SYN2: variants seen among roughly 807,000 people sequenced by gnomAD.
SYN2 encodes the protein synapsin-2.
Under a neutral mutation model 50.9 loss-of-function variants are expected in SYN2, and 19 were observed. That is an observed-to-expected ratio of 0.37 (90% CI 0.26 to 0.55). The LOEUF (loss-of-function observed/expected upper bound fraction) is 0.55. Among genes scored for constraint, SYN2 ranks in the 20% least tolerant of loss-of-function variants. The probability of loss-of-function intolerance (pLI) is 0.81; values close to 1 mark genes in which losing one functional copy is unlikely to be tolerated. For missense variants in SYN2, 587 were observed against 576.4 expected, an observed-to-expected ratio of 1.02 and a Z score of -0.19; for synonymous variants, 255 against 224.9, an observed-to-expected ratio of 1.13 and a Z score of -1.20.
At chr3:12,087,408 T>C (rs1389719931) in intron 1 of SYN2, among the ~76,000 whole-genome samples, 1 of 151,920 alleles carries the variant, frequency 6.6e-6, no homozygotes, top group Admixed American at 6.6e-5. Flanking sequence ...TCTAAAGCAA[T>C]CCTGAGCAAG....
At chr3:12,047,016 G>T (rs1694755478) in intron 1 of SYN2, among the ~76,000 whole-genome samples, 1 of 152,120 alleles carries the variant, frequency 6.6e-6, no homozygotes, top group African/African-American at 2.4e-5. Flanking sequence ...AAAACATATT[G>T]TACTCCATGA....
intron 10 of SYN2, among the ~76,000 whole-genome samples, chr3:12,178,125 C>G (rs1263100735): frequency 6.6e-6 from 1 of 152,220 alleles, no homozygotes; most frequent in African/African-American, 2.4e-5. Context: ...CTCATTCTCC[C>G]TGGGGTCCTA....
At chr3:12,065,688 T>G (rs1695201544) in intron 1 of SYN2, among the ~76,000 whole-genome samples, 2 of 152,166 alleles carry the variant, frequency 1.3e-5, no homozygotes, top group Admixed American at 1.3e-4. Flanking sequence ...CAGTAGACAC[T>G]GGGGACTACT....
chr3:12,183,273 T>TG (rs1249908314), intron 10 of SYN2, 39 bp from the exon 11 acceptor site: 2 of 1,584,042 alleles, frequency 1.3e-6, no homozygotes, highest in Non-Finnish European at 8.6e-7. Flanking sequence ...TTCAGTGGCT[T>TG]GGAGTTTTGT....
chr3:12,153,396 TG>T lies in SYN2; in HGVS notation c.774+2072del, dbSNP rs1433429242. ...CTTGACAGTGGCCAGACTGTCCACT[TG>T]GCACTTCTTATTAGCTGGCAGCAAG... is the stretch of plus-strand genomic sequence containing the variant. On this transcript the variant is annotated intron_variant, in intron 5 of 12. Coordinates refer to ENST00000621198, the MANE Select transcript of SYN2 (RefSeq NM_133625.6). 6.7e-6 allele frequency: 8 copies of T among 1,196,868 alleles called. No individual in the cohort carries two copies. In the Admixed American group the frequency reaches 1.0e-4, roughly 16 times the overall value. 74.1% of individuals were successfully genotyped at this position (1,196,868 alleles called of 1,614,324 possible). A position where few individuals can be genotyped will look rare whatever the true frequency, so the allele number is the denominator to read the frequency against.
intron 1 of SYN2, among the ~76,000 whole-genome samples, chr3:12,091,136 G>A (rs978265050): frequency 2.0e-5 from 3 of 152,010 alleles, no homozygotes; most frequent in African/African-American, 7.3e-5. Flanking sequence ...TTCAGAGGTG[G>A]GATTGTAGAG....
intron 1 of SYN2, among the ~76,000 whole-genome samples, chr3:12,127,167 T>C (rs1696689164): frequency 6.6e-6 from 1 of 152,220 alleles, no homozygotes; most frequent in Non-Finnish European, 1.5e-5. Flanking sequence ...GCTAACCAGC[T>C]TGAGTTGGTT....
chr3:12,028,057 A>G lies in SYN2; in HGVS notation c.377+23129A>G, dbSNP rs1191918383. Among the ~76,000 whole-genome samples the G allele has an allele frequency of 4.1e-5, 4 of 96,416 alleles. No individual in the cohort carries two copies. The Admixed American group carries it at 6.9e-4, about 17-fold the overall frequency. 63.3% of individuals were successfully genotyped at this position (96,416 alleles called of 152,430 possible). A position where few individuals can be genotyped will look rare whatever the true frequency, so the allele number is the denominator to read the frequency against. ...TCCCCACCACAGTCCCCAGAGTGTG[A>G]TATTCCCCTTCCTGTGTCCATGTGA... On this transcript the variant is annotated intron_variant, in intron 1 of 12. Coordinates refer to ENST00000621198, the MANE Select transcript of SYN2 (RefSeq NM_133625.6).
chr3:12,182,392 C>T (rs1698241222), intron 10 of SYN2, among the ~76,000 whole-genome samples: 1 of 152,182 alleles, frequency 6.6e-6, no homozygotes, highest in Admixed American at 6.5e-5. Context: ...CAGAACATTT[C>T]CCTTGTGCTG....
intron 1 of SYN2, among the ~76,000 whole-genome samples, chr3:12,052,104 T>G (rs1339426581): frequency 6.6e-6 from 1 of 152,240 alleles, no homozygotes; most frequent in Admixed American, 6.5e-5. Flanking sequence ...ATGGGATCGA[T>G]ATTCACATTT....
chr3:12,010,445 C>T (rs1693892191), intron 1 of SYN2, among the ~76,000 whole-genome samples: 1 of 152,156 alleles, frequency 6.6e-6, no homozygotes, highest in African/African-American at 2.4e-5. Context: ...AGAGGACAGG[C>T]ATTTAAAGAG....
chr3:12,036,219 C>G (rs1252230202), intron 1 of SYN2, among the ~76,000 whole-genome samples: 1 of 152,128 alleles, frequency 6.6e-6, no homozygotes, highest in Non-Finnish European at 1.5e-5. Context: ...CTGTGGTGGC[C>G]TCATTCCTAT....
At position 12,190,542 on chromosome 3, in the gene SYN2, C is replaced by T. The variant is rs372633861; in HGVS notation, c.1666C>T (p.Arg556Trp). 56 of 1,613,640 alleles carry T rather than the reference C, an allele frequency of 3.5e-5. No individual in the cohort carries two copies. The highest frequency in any genetic ancestry group is 4.5e-5 in the East Asian group (2 of 44,880). ...CAGCTTCTCTGAGTCCTCCTTCTTCCGGTCTTCAGCCAATGAGGATGAAGC... is the reference window on the plus strand; with the variant it reads ...CAGCTTCTCTGAGTCCTCCTTCTTCTGGTCTTCAGCCAATGAGGATGAAGC... ...AFSFSESSFFRSSANEDEAKA... is the reference protein window; with the variant it reads ...AFSFSESSFFWSSANEDEAKA... Residue 556 changes from arginine to tryptophan, a missense_variant, in exon 13 of 13, where the codon CGG becomes TGG. Arg to Trp is a moderately radical substitution (Grantham distance 101). Transcript: ENST00000621198.
chr3:12,021,760 G>A (rs1163704189), intron 1 of SYN2, among the ~76,000 whole-genome samples: 1 of 152,072 alleles, frequency 6.6e-6, no homozygotes, highest in African/African-American at 2.4e-5. Flanking sequence ...ATCAGTGATT[G>A]TGAAGATAAG....
rs1329876453 is a variant in SYN2 at position 12,004,430 on chromosome 3, G to A, written c.-122G>A. 1.0e-5 allele frequency: 3 copies of A among 297,278 alleles called. No homozygotes were observed. Among genetic ancestry groups the A allele is most frequent in the Admixed American group, 5.3e-5 (1 of 19,042 alleles). 18.4% of individuals were successfully genotyped at this position (297,278 alleles called of 1,614,324 possible). A position where few individuals can be genotyped will look rare whatever the true frequency, so the allele number is the denominator to read the frequency against. On this transcript the variant is annotated 5_prime_UTR_variant, in exon 1 of 13. Transcript: ENST00000621198. ...TGCGGGGTCTGGTGCCGGGGCCTGA[G>A]TCTCTGCTGGCTAAGCCGCCGCCTC...
chr3:12,044,415 G>T (rs1157645413), intron 1 of SYN2, among the ~76,000 whole-genome samples: 2 of 152,074 alleles, frequency 1.3e-5, no homozygotes, highest in African/African-American at 4.8e-5. Flanking sequence ...AAAAAGCAAA[G>T]GGTTCCAGAA....
intron 1 of SYN2, among the ~76,000 whole-genome samples, chr3:12,103,882 A>G (rs912540731): frequency 3.9e-5 from 6 of 152,232 alleles, no homozygotes; most frequent in African/African-American, 1.4e-4. Context: ...CAAAATTCCA[A>G]TAAGTGTGAG....
chr3:12,026,413 A>G (rs1694257945), intron 1 of SYN2, among the ~76,000 whole-genome samples: 2 of 152,144 alleles, frequency 1.3e-5, no homozygotes, highest in East Asian at 3.8e-4. Context: ...CTTTAAAAAA[A>G]TATATATACA....
chr3:12,045,540 C>T (rs756950478), intron 1 of SYN2, among the ~76,000 whole-genome samples: 1 of 152,160 alleles, frequency 6.6e-6, no homozygotes, highest in Non-Finnish European at 1.5e-5. Flanking sequence ...AGACTACCAC[C>T]ACTATTGCTA....
Sources: allele counts gnomAD v4.1 joint callset (sites outside exome capture counted in the v4.1 genomes callset), GRCh38; gene constraint gnomAD v4.1.1; transcripts MANE v1.5; gene names NCBI Gene and HGNC (gene_info 2026-07-23, HGNC 2026-07-21).